The following TSGA13 variants were observed in gnomAD, a reference collection of about 807,000 sequenced individuals.
TSGA13 encodes the protein testis-specific gene 13 protein.
TSGA13 carries 37 observed loss-of-function variants against 35.1 expected under a neutral mutation model. That is an observed-to-expected ratio of 1.05 (90% CI 0.81 to 1.39). The LOEUF (loss-of-function observed/expected upper bound fraction) is 1.39. Among genes scored for constraint, TSGA13 ranks in the 40% most tolerant of loss-of-function variants. The pLI, the probability that TSGA13 is intolerant of heterozygous loss-of-function variation, is 0.00. For synonymous variants in TSGA13, 124 were observed against 121.2 expected, an observed-to-expected ratio of 1.02 and a Z score of -0.15; for missense variants, 338 against 328.5, an observed-to-expected ratio of 1.03 and a Z score of -0.22.
At chr7:130,677,307 C>CT (rs782330669) in intron 5 of TSGA13, among the ~76,000 whole-genome samples, 3 of 152,176 alleles carry the variant, frequency 2.0e-5, no homozygotes, top group African/African-American at 2.4e-5. Flanking sequence ...TATAACTCAT[C>CT]TTTCTGGGTT....
In TSGA13 at chr7:130,668,755, CCCGCGCTCTCACGCCGGTTGGGCCG is replaced by C; in HGVS notation, c.*234_*258del. On this transcript the variant is annotated 3_prime_UTR_variant, in exon 8 of 8. Transcript: ENST00000356588. Reference sequence around the variant, plus strand: ...CGGAAGAGGCTGCAGGAAGGCCGGCCCCGCGCTCTCACGCCGGTTGGGCCGCCGCGCCTTCACTCGGGGCCAAGGC... The same window carrying C: ...CGGAAGAGGCTGCAGGAAGGCCGGCCCCGCGCCTTCACTCGGGGCCAAGGC... The C allele has an allele frequency of 5.5e-6, 8 of 1,448,342 alleles. No individual in the cohort carries two copies. The highest frequency in any genetic ancestry group is 7.4e-6 in the Non-Finnish European group (8 of 1,083,690). 89.7% of individuals were successfully genotyped at this position (1,448,342 alleles called of 1,614,324 possible).
intron 1 of TSGA13, among the ~76,000 whole-genome samples, 191 bp from the exon 2 acceptor site, chr7:130,685,551 G>A (rs532355247): frequency 2.0e-5 from 3 of 152,112 alleles, no homozygotes; most frequent in South Asian, 2.1e-4. Context: ...TTATCTCTTG[G>A]GGTCTCAATT....
intron 4 of TSGA13, among the ~76,000 whole-genome samples, chr7:130,680,598 T>A (rs1406394015): frequency 6.6e-6 from 1 of 151,978 alleles, no homozygotes; most frequent in Non-Finnish European, 1.5e-5. Flanking sequence ...AAATTTGCCT[T>A]TCTCTCAATA....
At chr7:130,678,715 G>T (rs1322975259) in intron 5 of TSGA13, among the ~76,000 whole-genome samples, 1 of 152,108 alleles carries the variant, frequency 6.6e-6, no homozygotes, top group African/African-American at 2.4e-5. Context: ...TGAAGCATAG[G>T]ATCAGGAATA....
At chr7:130,670,232 T>C (rs1392984783) in intron 7 of TSGA13, among the ~76,000 whole-genome samples, 1 of 152,152 alleles carries the variant, frequency 6.6e-6, no homozygotes. Context: ...TGGTGGCAGA[T>C]AGGTATAGCA....
At chr7:130,679,501 T>A in intron 4 of TSGA13, 134 bp from the exon 5 acceptor site, 1 of 810,826 alleles carries the variant, frequency 1.2e-6, no homozygotes, top group Non-Finnish European at 1.9e-6. Flanking sequence ...ATCTGTAGGG[T>A]TTTTTGGTTT....
chr7:130,672,678 C>T (rs2288080), intron 6 of TSGA13, 56 bp downstream of exon 6: 345,655 of 1,581,506 alleles, frequency 0.22, 38,904 homozygotes, highest in Middle Eastern at 0.29. Flanking sequence ...GAACCAGAAA[C>T]GTGAATAGGG....
Position 130,679,311 on chromosome 7 carries a change from G to C in TSGA13, c.231C>G (p.Asn77Lys), listed in dbSNP as rs931567946. 6.2e-7 allele frequency: 1 copy of C among 1,614,110 alleles called. No homozygotes were observed. Among genetic ancestry groups the C allele is most frequent in the East Asian group, 2.2e-5 (1 of 44,884 alleles). The part of the protein sequence containing the change: ...ATALQKFLAQ[N>K]RKNTSFMLKV... The stretch of plus-strand genomic sequence containing the variant: ...TTAACATGAAGCTGGTGTTTTTCCT[G>C]TTTTGAGCCAGGAATTTCTGCAGGG... Residue 77 changes from asparagine to lysine, a missense_variant, in exon 5 of 8, where the codon AAC (asparagine) becomes AAG (lysine). Transcript: ENST00000356588.
intron 3 of TSGA13, 45 bp from the exon 4 acceptor site, chr7:130,681,062 C>A: frequency 6.5e-7 from 1 of 1,546,434 alleles, no homozygotes; most frequent in South Asian, 1.1e-5. Context: ...TGCACCTATC[C>A]TAAACAGTAT....
chr7:130,670,907 A>G (rs1474688133), intron 7 of TSGA13, among the ~76,000 whole-genome samples: 7 of 152,176 alleles, frequency 4.6e-5, no homozygotes, highest in Non-Finnish European at 7.3e-5. Flanking sequence ...GATTACGGAC[A>G]CGCCCAGCCT....
chr7:130,683,817 C>CA (rs1191781425), intron 2 of TSGA13, 145 bp from the exon 3 acceptor site: 5 of 625,664 alleles, frequency 8.0e-6, no homozygotes, highest in Non-Finnish European at 1.1e-5. Context: ...GACTAAGTAG[C>CA]AAAAAAATCA....
At chr7:130,671,912 C>T in intron 6 of TSGA13, 124 bp from the exon 7 acceptor site, 2 of 729,178 alleles carry the variant, frequency 2.7e-6, no homozygotes, top group Non-Finnish European at 3.4e-6. Context: ...TATTTTGAGA[C>T]ACAAGTCTTG....
chr7:130,670,065 C>T (rs1796221320), intron 7 of TSGA13, among the ~76,000 whole-genome samples: 1 of 152,174 alleles, frequency 6.6e-6, no homozygotes, highest in Admixed American at 6.5e-5. Flanking sequence ...TGGGGCTGAC[C>T]CTAAGACTAG....
At chr7:130,681,111 G>A in intron 3 of TSGA13, 94 bp from the exon 4 acceptor site, 1 of 1,057,644 alleles carries the variant, frequency 9.5e-7, no homozygotes, top group South Asian at 1.3e-5. Context: ...TGGAGAACTG[G>A]TCTCTAACTT....
intron 4 of TSGA13, among the ~76,000 whole-genome samples, chr7:130,680,366 C>A (rs1480447938): frequency 6.6e-6 from 1 of 151,960 alleles, no homozygotes; most frequent in Non-Finnish European, 1.5e-5. Flanking sequence ...ATTAGCCAGG[C>A]GTAGTGGGGG....
chr7:130,679,423 A>T, intron 4 of TSGA13, 56 bp from the exon 5 acceptor site: 1 of 1,487,130 alleles, frequency 6.7e-7, no homozygotes, highest in South Asian at 1.2e-5. Context: ...AGAGCAGGTT[A>T]ACAAATCGGT....
rs782064897 is a variant in TSGA13 at position 130,672,724 on chromosome 7, A to G, written c.530+10T>C. On this transcript the variant is annotated intron_variant, in intron 6 of 7. Transcript: ENST00000356588. ...AAAGAAAGCAAGTACAAGAAGAAGC[A>G]AGATTTCACCTAAACCATTGTTCTC... 1.9e-6 allele frequency: 3 copies of G among 1,610,144 alleles called. No individual in the cohort carries two copies. The highest frequency in any genetic ancestry group is 2.2e-5 in the South Asian group (2 of 90,298).
intron 4 of TSGA13, 79 bp downstream of exon 4, chr7:130,680,867 A>C: frequency 7.6e-7 from 1 of 1,315,900 alleles, no homozygotes; most frequent in Non-Finnish European, 1.1e-6. Context: ...TGGAGGCATT[A>C]GGGACACTCG....
intron 5 of TSGA13, among the ~76,000 whole-genome samples, chr7:130,675,135 A>G (rs1263748234): frequency 6.6e-6 from 1 of 151,284 alleles, no homozygotes; most frequent in Non-Finnish European, 1.5e-5. Context: ...CAAACATATC[A>G]CTCACATGTT....
Sources: gnomAD v4.1 joint callset for allele counts (sites outside exome capture counted in the v4.1 genomes callset) on GRCh38, gnomAD v4.1.1 for gene constraint, MANE v1.5 for transcripts, NCBI Gene and HGNC (gene_info 2026-07-23, HGNC 2026-07-21) for gene names.